MMP16: variants seen among roughly 807,000 people sequenced by gnomAD.
The protein encoded by MMP16 is matrix metalloproteinase-16.
MMP16 carries 12 observed loss-of-function variants against 67.8 expected under a neutral mutation model. That is an observed-to-expected ratio of 0.18 (90% CI 0.11 to 0.29). The LOEUF (loss-of-function observed/expected upper bound fraction) is 0.29. Among genes scored for constraint, MMP16 ranks in the 10% least tolerant of loss-of-function variants. MMP16 has a pLI of 1.00. For synonymous variants in MMP16, 249 were observed against 255.9 expected (o/e 0.97, Z 0.26); for missense variants, 475 against 765.7 (o/e 0.62, Z 4.48).
chr8:88,239,739 T>C (rs1377322027), intron 1 of MMP16, among the ~76,000 whole-genome samples: 1 of 152,204 alleles, frequency 6.6e-6, no homozygotes, highest in South Asian at 2.1e-4. Flanking sequence ...TTTGGAGCTA[T>C]TTTAACTGTA....
chr8:88,176,779 A>T (rs967529537), intron 3 of MMP16, among the ~76,000 whole-genome samples: 1 of 152,160 alleles, frequency 6.6e-6, no homozygotes, highest in Admixed American at 6.5e-5. Context: ...CTGGCCTATT[A>T]ATCTATCTTT....
intron 1 of MMP16, among the ~76,000 whole-genome samples, chr8:88,227,991 G>A (rs1809797539): frequency 6.6e-6 from 1 of 152,046 alleles, no homozygotes; most frequent in South Asian, 2.1e-4. Context: ...ACTATGTACA[G>A]AAAATTCCTA....
rs1440655070 is a variant in MMP16, at chr8:88,254,396, A to C, written c.133-57090T>G. On this transcript the variant is annotated intron_variant, in intron 1 of 9. Transcript: ENST00000286614. ...GGGTGGTGAAATAATCCATACAACA[A>C]ACTTCCATGACACAAGTTTACCTAT... 3.9e-5 allele frequency among the ~76,000 whole-genome samples: 6 copies of C among 152,000 alleles called. No individual in the cohort carries two copies. In the East Asian group the frequency reaches 1.2e-3, roughly 30 times the overall value.
chr8:88,190,522 T>A (rs984831541), intron 2 of MMP16, among the ~76,000 whole-genome samples: 1 of 152,178 alleles, frequency 6.6e-6, no homozygotes, highest in African/African-American at 2.4e-5. Flanking sequence ...AAAACTGGCA[T>A]GCTAATGTTT....
At chr8:88,072,144 C>T (rs986394988) in intron 7 of MMP16, among the ~76,000 whole-genome samples, 10 of 152,042 alleles carry the variant, frequency 6.6e-5, no homozygotes, top group South Asian at 4.2e-4. Context: ...GGGGTGACCA[C>T]GTGGGATGAG....
intron 9 of MMP16, among the ~76,000 whole-genome samples, chr8:88,042,736 T>A (rs928501071): frequency 6.6e-6 from 1 of 152,300 alleles, no homozygotes; most frequent in African/African-American, 2.4e-5. Context: ...TATGAATGCA[T>A]ACAATAGACT....
chr8:88,241,776 GT>G (rs1810037638), intron 1 of MMP16, among the ~76,000 whole-genome samples: 2 of 151,948 alleles, frequency 1.3e-5, no homozygotes, highest in Non-Finnish European at 2.9e-5. Context: ...TCTGATACAT[GT>G]GTAATGATCA....
rs767465222 is a variant in MMP16, at chr8:88,294,474, ATATG to A, written c.132+32597_132+32600del. Among the ~76,000 whole-genome samples the A allele has an allele frequency of 2.0e-3, 297 of 151,528 alleles. 2 individuals are homozygous for A. Among genetic ancestry groups the A allele is most frequent in the East Asian group, 1.8e-3 (9 of 5,126 alleles). ...CACATATGCATGTCTCTGTACACAC[ATATG>A]TATGTCTCTATACACACATATGTAT... On this transcript the variant is annotated intron_variant, in intron 1 of 9. Coordinates refer to ENST00000286614, the MANE Select transcript of MMP16 (RefSeq NM_005941.5).
At chr8:88,239,830 T>C (rs1810006812) in intron 1 of MMP16, among the ~76,000 whole-genome samples, 1 of 152,342 alleles carries the variant, frequency 6.6e-6, no homozygotes, top group East Asian at 1.9e-4. Flanking sequence ...TTAGAAGAGA[T>C]ATAATTCCTC....
rs78903131 is a variant in MMP16, at chr8:88,282,591, T to C, written c.132+44484A>G. Among the ~76,000 whole-genome samples the C allele has an allele frequency of 3.0e-3, 463 of 152,342 alleles. 1 individual carries two copies. Among genetic ancestry groups the C allele is most frequent in the African/African-American group, 0.011 (447 of 41,590 alleles). On this transcript the variant is annotated intron_variant, in intron 1 of 9. Coordinates refer to ENST00000286614, the MANE Select transcript of MMP16 (RefSeq NM_005941.5). Reference sequence around the variant, plus strand: ...TTGACTAGGGCTTCTAGAATATTAATAAATGAACACAATGTCTTTGAAGTT... The same window carrying C: ...TTGACTAGGGCTTCTAGAATATTAACAAATGAACACAATGTCTTTGAAGTT...
chr8:88,303,821 ATCCAAGGTAGATAAGC>A (rs1384321539), intron 1 of MMP16, among the ~76,000 whole-genome samples: 2 of 152,230 alleles, frequency 1.3e-5, no homozygotes, highest in African/African-American at 4.8e-5. Flanking sequence ...AACCTCAAAG[ATCCAAGGTAGATAAGC>A]CCACAAAGAT....
chr8:88,131,968 T>C (rs549266354), intron 4 of MMP16, among the ~76,000 whole-genome samples: 62 of 151,972 alleles, frequency 4.1e-4, no homozygotes, highest in Admixed American at 5.9e-4. Context: ...ATTATGTCGT[T>C]TATTGCTGCA....
At chr8:88,189,535 CACT>C (rs1486636239) in intron 2 of MMP16, among the ~76,000 whole-genome samples, 8 of 152,174 alleles carry the variant, frequency 5.3e-5, no homozygotes, top group Non-Finnish European at 1.0e-4. Flanking sequence ...CCTTCATTTT[CACT>C]ACTAACAATA....
chr8:88,145,176 T>A (rs1337668643), intron 4 of MMP16, among the ~76,000 whole-genome samples: 2 of 151,982 alleles, frequency 1.3e-5, no homozygotes, highest in Non-Finnish European at 2.9e-5. Context: ...AAAGTGGACT[T>A]ACACAAACCT....
intron 6 of MMP16, among the ~76,000 whole-genome samples, chr8:88,098,510 G>A (rs572587783): frequency 4.4e-4 from 67 of 152,054 alleles, no homozygotes; most frequent in African/African-American, 1.6e-3. Flanking sequence ...GTATGACATA[G>A]GTTAACTCCA....
At position 88,038,358 on chromosome 8, in the gene MMP16, C is replaced by T. The variant is rs922243458; in HGVS notation, c.*3103G>A. 2 of 152,362 alleles carry T rather than the reference C, an allele frequency of 1.3e-5. No individual in the cohort carries two copies. Among genetic ancestry groups the T allele is most frequent in the African/African-American group, 4.8e-5 (2 of 41,398 alleles). The allele number at this position is 152,362 out of a possible 1,614,324, so 9.4% of individuals were successfully genotyped here. On this transcript the variant is annotated 3_prime_UTR_variant, in exon 10 of 10. Transcript: ENST00000286614. This position sits in a 1 kb window ranked among gnomAD's most constrained non-coding sequence, Gnocchi z 4.1. ...AATATGACCCAACCCTTATTCATGACATTTGCCAGAATTCAAGCATAATGA... is the reference window on the plus strand; with the variant it reads ...AATATGACCCAACCCTTATTCATGATATTTGCCAGAATTCAAGCATAATGA...
At chr8:88,181,003 T>C (rs1808971719) in intron 3 of MMP16, among the ~76,000 whole-genome samples, 1 of 152,168 alleles carries the variant, frequency 6.6e-6, no homozygotes, top group South Asian at 2.1e-4. Flanking sequence ...TCACAATATA[T>C]ACTTTTAGCA....
At chr8:88,207,367 C>T (rs1021353173) in intron 1 of MMP16, among the ~76,000 whole-genome samples, 2 of 152,260 alleles carry the variant, frequency 1.3e-5, no homozygotes, top group Admixed American at 1.3e-4. Flanking sequence ...GTTGTATCTG[C>T]TGAAAACGCT....
intron 1 of MMP16, among the ~76,000 whole-genome samples, chr8:88,270,452 A>G (rs1276710034): frequency 6.6e-6 from 1 of 152,172 alleles, no homozygotes; most frequent in Non-Finnish European, 1.5e-5. Context: ...ATATAATTAG[A>G]AGCAAAATAA....
Sources: gnomAD v4.1 joint callset for allele counts (sites outside exome capture counted in the v4.1 genomes callset) on GRCh38, gnomAD v4.1.1 for gene constraint, Gnocchi (gnomAD v3.1) non-coding constraint, MANE v1.5 for transcripts, NCBI Gene and HGNC (gene_info 2026-07-23, HGNC 2026-07-21) for gene names.